CHRNB1: variants seen among roughly 807,000 people sequenced by gnomAD.
CHRNB1 encodes acetylcholine receptor subunit beta.
CHRNB1 carries 47 observed loss-of-function variants against 53.8 expected under a neutral mutation model. The observed-to-expected ratio is 0.87, with a 90% CI of 0.69 to 1.11. CHRNB1 has a LOEUF of 1.11. CHRNB1 is among the 50% of genes most tolerant of loss of function. CHRNB1 has a pLI of 0.00. For synonymous variants in CHRNB1, 259 were observed against 263.5 expected (o/e 0.98, Z 0.16); for missense variants, 605 against 654.9 (o/e 0.92, Z 0.83).
chr17:7,450,032 T>G (rs1042788861), intron 7 of CHRNB1, among the ~76,000 whole-genome samples: 3 of 138,380 alleles, frequency 2.2e-5, no homozygotes, highest in African/African-American at 8.6e-5. Flanking sequence ...AGACAGACTC[T>G]GTCTCAAAAA....
In CHRNB1 at chr17:7,445,974, G is replaced by C. The variant is rs1420241746; in HGVS notation, c.199-95G>C. The C allele has an allele frequency of 1.8e-6, 2 of 1,109,016 alleles. No individual in the cohort carries two copies. The highest frequency in any genetic ancestry group is 1.5e-5 in the African/African-American group (1 of 65,030). 68.7% of individuals were successfully genotyped at this position (1,109,016 alleles called of 1,614,324 possible). A position where few individuals can be genotyped will look rare whatever the true frequency, so the allele number is the denominator to read the frequency against. ...CCCGAGAGGATGGGGCTCAGAAAAA[G>C]GGGGCGGCGTTCCCAGGAGAGAGGT... On this transcript the variant is annotated intron_variant, in intron 2 of 10. Transcript: ENST00000306071. The surrounding 1 kb of genome is among the most constrained non-coding windows in gnomAD (Gnocchi z 5.7).
intron 8 of CHRNB1, among the ~76,000 whole-genome samples, 177 bp downstream of exon 8, chr17:7,454,697 C>T (rs1486244423): frequency 6.6e-6 from 1 of 151,930 alleles, no homozygotes; most frequent in Non-Finnish European, 1.5e-5. Context: ...ATCAATACTG[C>T]CCATCTCGGG....
rs1349755546 is a variant in CHRNB1, at chr17:7,456,833, C to A, written c.*110C>A. The A allele has an allele frequency of 1.4e-6, 2 of 1,469,214 alleles. No individual in the cohort carries two copies. The highest frequency in any genetic ancestry group is 1.9e-6 in the Non-Finnish European group (2 of 1,068,828). The allele number at this position is 1,469,214 out of a possible 1,614,324, so 91.0% of individuals were successfully genotyped here. On this transcript the variant is annotated 3_prime_UTR_variant, in exon 11 of 11. Transcript: ENST00000306071. ...TAACTCCTTCACGAGGAATCTGGGCCTCTTATTTCGTTTCTGGGGACTGCA... is the reference window on the plus strand; with the variant it reads ...TAACTCCTTCACGAGGAATCTGGGCATCTTATTTCGTTTCTGGGGACTGCA...
intron 7 of CHRNB1, among the ~76,000 whole-genome samples, chr17:7,450,652 T>C (rs1345788426): frequency 2.0e-5 from 3 of 152,244 alleles, no homozygotes; most frequent in African/African-American, 7.2e-5. Context: ...ACATGGTACA[T>C]GTACTAATTC....
chr17:7,448,074 CAA>C (rs71157286), intron 6 of CHRNB1, among the ~76,000 whole-genome samples: 28 of 16,688 alleles, frequency 1.7e-3, no homozygotes, highest in African/African-American at 3.9e-3. Flanking sequence ...AAGTTCGTCT[CAA>C]AAAAAAAAAA....
Position 7,447,574 on chromosome 17 carries a change from G to A in CHRNB1, c.534G>A (p.Glu178=), listed in dbSNP as rs764102652. ...VFSSYSYDSS[E]VSLQTGLGPD... ...GCTCCTACAGCTACGACAGCTCGGAGGTCAGCCTGCAGACAGGCCTGGGTC... is the reference window on the plus strand; with the variant it reads ...GCTCCTACAGCTACGACAGCTCGGAAGTCAGCCTGCAGACAGGCCTGGGTC... The change falls in exon 6 of 11, where the codon GAG becomes GAA. Residue 178 remains glutamate, a synonymous_variant. Transcript: ENST00000306071. 1 of 1,614,166 alleles carries A rather than the reference G, an allele frequency of 6.2e-7. No homozygotes were observed. Among genetic ancestry groups the A allele is most frequent in the South Asian group, 1.1e-5 (1 of 91,086 alleles).
intron 8 of CHRNB1, 38 bp from the exon 9 acceptor site, chr17:7,455,246 A>T (rs747700318): frequency 2.5e-6 from 4 of 1,613,462 alleles, no homozygotes. Flanking sequence ...GTCTGAAAGC[A>T]TGAAAGCCCC....
At position 7,448,637 on chromosome 17, in the gene CHRNB1, T is replaced by C. The variant is rs1382103917; in HGVS notation, c.669T>C (p.Asp223=). 2 of 1,614,112 alleles carry C rather than the reference T, an allele frequency of 1.2e-6. No individual in the cohort carries two copies. Among genetic ancestry groups the C allele is most frequent in the Non-Finnish European group, 1.7e-6 (2 of 1,180,018 alleles). ...KPSRLIQPPG[D]PRGGREGQRQ... is the part of the protein sequence containing the mutation. ...CTCGGCTAATCCAGCCTCCAGGCGA[T>C]CCTAGGGGAGGGAGGGAAGGACAGC... The change falls in exon 7 of 11, where the codon GAT becomes GAC. Residue 223 remains aspartate, a synonymous_variant. Transcript: ENST00000306071.
chr17:7,445,131 AC>A lies in CHRNB1; in HGVS notation c.8del (p.Pro3GlnfsTer5). ...TCACTGAGCGAGCCGCCAGGCTATGACCCCAGGGGCTCTGCTGATGCTGCTG... is the reference window on the plus strand; with the variant it reads ...TCACTGAGCGAGCCGCCAGGCTATGACCCAGGGGCTCTGCTGATGCTGCTG... M[T>X]PGALLMLLGA... On this transcript the variant is annotated frameshift_variant, in exon 1 of 11. Coordinates refer to ENST00000306071, the MANE Select transcript of CHRNB1 (RefSeq NM_000747.3). LOFTEE classifies it high-confidence loss of function. This position sits in a 1 kb window ranked among gnomAD's most constrained non-coding sequence, Gnocchi z 5.7. 6.2e-7 allele frequency: 1 copy of A among 1,608,278 alleles called. No homozygotes were observed. The highest frequency in any genetic ancestry group is 8.5e-7 in the Non-Finnish European group (1 of 1,179,460).
chr17:7,456,640 TTCA>T lies in CHRNB1; in HGVS notation c.1429_1431del (p.Ile477del). The T allele has an allele frequency of 2.5e-6, 4 of 1,614,110 alleles. No homozygotes were observed. The highest frequency in any genetic ancestry group is 3.4e-6 in the Non-Finnish European group (4 of 1,180,018). On this transcript the variant is annotated inframe_deletion, in exon 11 of 11. Coordinates refer to ENST00000306071, the MANE Select transcript of CHRNB1 (RefSeq NM_000747.3). ...AGTGGACCGCCTCTTCCTGTGGACTTTCATCATCTTCACCAGCGTTGGGACCCT... is the reference window on the plus strand; with the variant it reads ...AGTGGACCGCCTCTTCCTGTGGACTTTCATCTTCACCAGCGTTGGGACCCT...
At chr17:7,455,594 A>ACTT in intron 9 of CHRNB1, 138 bp downstream of exon 9, 1 of 1,262,252 alleles carries the variant, frequency 7.9e-7, no homozygotes, top group South Asian at 1.2e-5. Context: ...CCTGCTGCTC[A>ACTT]CTTTGAGGGG....
intron 3 of CHRNB1, chr17:7,446,329 G>C (rs867169957): frequency 2.4e-3 from 444 of 185,708 alleles, no homozygotes; most frequent in South Asian, 7.7e-3. Flanking sequence ...GTGTGTGTCT[G>C]TGTGTGTGTG....
In CHRNB1 at chr17:7,446,331, G is replaced by GTGTC. The variant is rs1312304333; in HGVS notation, c.243+221_243+222insCTGT. 0.015 allele frequency: 2,620 copies of GTGTC among 170,578 alleles called. 8 individuals are homozygous for GTGTC. Among genetic ancestry groups the GTGTC allele is most frequent in the Middle Eastern group, 0.032 (17 of 534 alleles). The allele number at this position is 170,578 out of a possible 1,614,324, so 10.6% of individuals were successfully genotyped here. ...TGTGTGTGTGTGTGTGTGTGTCTGT[G>GTGTC]TGTGTGTGTGTGTGTGTGTGTGTGT... is the stretch of plus-strand genomic sequence containing the variant. On this transcript the variant is annotated intron_variant, in intron 3 of 10. Transcript: ENST00000306071.
rs1452929919 is a variant in CHRNB1, at chr17:7,445,417, C to T, written c.198+8C>T. The stretch of plus-strand genomic sequence containing the variant: ...GCGCAACTCATCAGCCTGGTGAGGG[C>T]GCGCGGGGGGTGGAGGTCAGGCCAG... On this transcript the variant is annotated splice_region_variant and intron_variant, in intron 2 of 10. Transcript: ENST00000306071. This position sits in a 1 kb window ranked among gnomAD's most constrained non-coding sequence, Gnocchi z 5.7. The T allele has an allele frequency of 4.3e-6, 7 of 1,609,742 alleles. No homozygotes were observed. Among genetic ancestry groups the T allele is most frequent in the Non-Finnish European group, 5.9e-6 (7 of 1,179,136 alleles).
rs1263380727 is a variant in CHRNB1 at position 7,454,184 on chromosome 17, G to A, written c.821-113G>A. The A allele has an allele frequency of 1.2e-5, 11 of 925,766 alleles. No homozygotes were observed. In the Admixed American group the frequency reaches 1.9e-4, roughly 16 times the overall value. 57.3% of individuals were successfully genotyped at this position (925,766 alleles called of 1,614,324 possible). A position where few individuals can be genotyped will look rare whatever the true frequency, so the allele number is the denominator to read the frequency against. On this transcript the variant is annotated intron_variant, in intron 7 of 10. Transcript: ENST00000306071. ...CAGGACTACAGGTGTGAACCACTGTGCCTGGCTGTAGAAATCTGTCTTTGA... is the reference window on the plus strand; with the variant it reads ...CAGGACTACAGGTGTGAACCACTGTACCTGGCTGTAGAAATCTGTCTTTGA...
intron 2 of CHRNB1, 27 bp from the exon 3 acceptor site, chr17:7,446,042 T>A: frequency 3.1e-6 from 5 of 1,612,416 alleles, no homozygotes; most frequent in Non-Finnish European, 4.2e-6. Flanking sequence ...CTACTTCACC[T>A]TTACGCCTTA....
At chr17:7,456,381 C>A in intron 10 of CHRNB1, among the ~76,000 whole-genome samples, 1 of 152,010 alleles carries the variant, frequency 6.6e-6, no homozygotes, top group Admixed American at 6.5e-5. Flanking sequence ...TGGACCTCTC[C>A]CTCATTTGGT....
At position 7,457,219 on chromosome 17, in the gene CHRNB1, A is replaced by C. The variant is rs1203705643; in HGVS notation, c.*496A>C. ...GTAATCCCAGCTACTAGGGAGGCTGAGGCAGGAGAATCACTCGAACCCGGG... is the reference window on the plus strand; with the variant it reads ...GTAATCCCAGCTACTAGGGAGGCTGCGGCAGGAGAATCACTCGAACCCGGG... On this transcript the variant is annotated 3_prime_UTR_variant, in exon 11 of 11. Coordinates refer to ENST00000306071, the MANE Select transcript of CHRNB1 (RefSeq NM_000747.3). 1.2e-5 allele frequency: 2 copies of C among 167,004 alleles called. No individual in the cohort carries two copies. The highest frequency in any genetic ancestry group is 2.6e-5 in the Non-Finnish European group (2 of 75,900). The allele number at this position is 167,004 out of a possible 1,614,324, so 10.3% of individuals were successfully genotyped here.
In CHRNB1 at chr17:7,445,196, G is replaced by T. The variant is rs1252419310; in HGVS notation, c.58+11G>T. On this transcript the variant is annotated intron_variant, in intron 1 of 10. Transcript: ENST00000306071. This position sits in a 1 kb window ranked among gnomAD's most constrained non-coding sequence, Gnocchi z 5.7. ...CGCCGCTCGCCCCAGGTAAGTGTAGGCCCCGAAGGGGCAGTGACGGGGCCA... is the reference window on the plus strand; with the variant it reads ...CGCCGCTCGCCCCAGGTAAGTGTAGTCCCCGAAGGGGCAGTGACGGGGCCA... 5 of 1,610,848 alleles carry T rather than the reference G, an allele frequency of 3.1e-6. No homozygotes were observed. The highest frequency in any genetic ancestry group is 1.7e-5 in the Admixed American group (1 of 59,848).
Sources: allele counts gnomAD v4.1 joint callset (sites outside exome capture counted in the v4.1 genomes callset), GRCh38; gene constraint gnomAD v4.1.1; non-coding constraint Gnocchi (gnomAD v3.1); transcripts MANE v1.5; gene names NCBI Gene and HGNC (gene_info 2026-07-23, HGNC 2026-07-21).